The following TCF12 variants were observed in gnomAD, a reference collection of about 807,000 sequenced individuals.
TCF12 encodes the protein transcription factor 12.
A neutral mutation model predicts 86.0 loss-of-function variants in TCF12; 45 were observed. The ratio of observed to expected loss-of-function variants is 0.52; its 90% CI spans 0.41 to 0.67. TCF12 has a LOEUF of 0.67. TCF12 is among the 30% of genes least tolerant of loss of function. TCF12 has a pLI of 0.00. For missense variants in TCF12, 881 were observed against 859.9 expected (o/e 1.02, Z -0.31); for synonymous variants, 330 against 299.6 (o/e 1.10, Z -1.05).
chr15:57,192,049 C>A (rs558456059), intron 6 of TCF12, 109 bp from the exon 7 acceptor site: 233 of 1,281,498 alleles, frequency 1.8e-4, no homozygotes, highest in Middle Eastern at 1.7e-3. Flanking sequence ...TGGGTGCGTT[C>A]TAAGTTAAGA....
At chr15:57,080,721 G>A (rs1464253857) in intron 4 of TCF12, among the ~76,000 whole-genome samples, 1 of 151,966 alleles carries the variant, frequency 6.6e-6, no homozygotes, top group Non-Finnish European at 1.5e-5. Flanking sequence ...TAGGCCATTC[G>A]GATGCCTTTT....
At chr15:57,186,054 T>C (rs1296028981) in intron 6 of TCF12, among the ~76,000 whole-genome samples, 1 of 152,200 alleles carries the variant, frequency 6.6e-6, no homozygotes, top group Admixed American at 6.5e-5. Flanking sequence ...TGTGAATAAT[T>C]GTCTGCTAAA....
rs558666817 is a variant in TCF12 at position 56,943,846 on chromosome 15, G to A, written c.148+22748G>A. ...AATCCATACCCAACATTGTATTAGTGTCACCTGGGGAGCTTTTAAAAAATT... is the reference window on the plus strand; with the variant it reads ...AATCCATACCCAACATTGTATTAGTATCACCTGGGGAGCTTTTAAAAAATT... On this transcript the variant is annotated intron_variant, in intron 3 of 20. Coordinates refer to ENST00000333725, the MANE Select transcript of TCF12 (RefSeq NM_207037.2). Among the ~76,000 whole-genome samples the A allele has an allele frequency of 1.8e-4, 27 of 152,256 alleles. 1 individual carries two copies. In the East Asian group the frequency reaches 4.8e-3, roughly 27 times the overall value.
intron 6 of TCF12, among the ~76,000 whole-genome samples, chr15:57,188,652 A>G (rs2056814165): frequency 6.6e-6 from 1 of 152,230 alleles, no homozygotes; most frequent in African/African-American, 2.4e-5. Flanking sequence ...TCTATGGCCA[A>G]TTGATTTTCA....
chr15:56,955,447 A>T (rs1177469941), intron 3 of TCF12, among the ~76,000 whole-genome samples: 1 of 152,168 alleles, frequency 6.6e-6, no homozygotes, highest in Non-Finnish European at 1.5e-5. Context: ...GAAATACCTA[A>T]TGTAAATGAC....
rs373977906 is a variant in TCF12, at chr15:57,009,354, GTCC to G, written c.149-54390_149-54388del. The stretch of plus-strand genomic sequence containing the variant: ...TCACACTCCTGGGCTCAAGCAGTCT[GTCC>G]TCCTCAGCCTCCCAAAGTGCTGGGA... On this transcript the variant is annotated intron_variant, in intron 3 of 20. Coordinates refer to ENST00000333725, the MANE Select transcript of TCF12 (RefSeq NM_207037.2). Among the ~76,000 whole-genome samples the G allele has an allele frequency of 8.0e-3, 1,210 of 152,134 alleles. 9 individuals are homozygous for G. Among genetic ancestry groups the G allele is most frequent in the Non-Finnish European group, 0.014 (920 of 67,988 alleles).
intron 8 of TCF12, among the ~76,000 whole-genome samples, chr15:57,224,913 C>G (rs2058795668): frequency 6.6e-6 from 1 of 152,008 alleles, no homozygotes; most frequent in Non-Finnish European, 1.5e-5. Context: ...ATATTTTCCC[C>G]CTCAGGCTTG....
chr15:57,139,657 CAA>C (rs879939761), intron 5 of TCF12, among the ~76,000 whole-genome samples: 1 of 142,580 alleles, frequency 7.0e-6, no homozygotes. Context: ...TTCTTTAAAC[CAA>C]AAAAAAAAAG....
intron 3 of TCF12, among the ~76,000 whole-genome samples, chr15:57,053,039 A>G (rs1177219665): frequency 6.6e-6 from 1 of 152,140 alleles, no homozygotes; most frequent in African/African-American, 2.4e-5. Flanking sequence ...CCTCCATACC[A>G]TCTTCTTAAT....
chr15:56,972,957 C>T (rs1203649633), intron 3 of TCF12, among the ~76,000 whole-genome samples: 3 of 152,026 alleles, frequency 2.0e-5, no homozygotes. Flanking sequence ...TTAGGCTTTC[C>T]GTTTTCCTGG....
At chr15:57,158,182 T>C (rs1381648956) in intron 5 of TCF12, among the ~76,000 whole-genome samples, 1 of 126,814 alleles carries the variant, frequency 7.9e-6, no homozygotes, top group African/African-American at 2.6e-5. Context: ...TCTCAGAAAG[T>C]CGTTTCTTTT....
In TCF12 at chr15:57,263,293, G is replaced by A. The variant is rs774899154; in HGVS notation, c.1745+19G>A. 1.5e-4 allele frequency: 240 copies of A among 1,588,688 alleles called. No homozygotes were observed. Among genetic ancestry groups the A allele is most frequent in the Non-Finnish European group, 2.0e-4 (231 of 1,174,462 alleles). The stretch of plus-strand genomic sequence containing the variant: ...GAACAAGGTATTTGTTAGCATCCAG[G>A]TTTTAAATTTTATTCATTTTCCATA... On this transcript the variant is annotated intron_variant, in intron 18 of 20. Coordinates refer to ENST00000333725, the MANE Select transcript of TCF12 (RefSeq NM_207037.2).
At chr15:57,247,545 A>G (rs1334446516) in intron 13 of TCF12, 2 of 929,226 alleles carry the variant, frequency 2.2e-6, no homozygotes, top group Admixed American at 1.7e-5. Flanking sequence ...ATAAAAGCAA[A>G]TCCTGTCTTT....
rs150505167 is a variant in TCF12, at chr15:57,089,930, A to G, written c.223-1859A>G. Reference sequence around the variant, plus strand: ...ATTTTAAGTAGTAAAAGCAAATTCTATGGGCCAGGCATGGTGGCTCAGGCC... The same window carrying G: ...ATTTTAAGTAGTAAAAGCAAATTCTGTGGGCCAGGCATGGTGGCTCAGGCC... On this transcript the variant is annotated intron_variant, in intron 4 of 20. Transcript: ENST00000333725. Among the ~76,000 whole-genome samples the G allele has an allele frequency of 2.0e-4, 30 of 152,266 alleles. No individual in the cohort carries two copies. The East Asian group carries it at 5.4e-3, about 27-fold the overall frequency.
chr15:57,177,559 C>A (rs1230546509), intron 6 of TCF12, among the ~76,000 whole-genome samples: 1 of 145,886 alleles, frequency 6.9e-6, no homozygotes, highest in Non-Finnish European at 1.5e-5. Context: ...GCGTGAGCCA[C>A]TGTGCCCAGT....
chr15:56,954,737 C>T (rs976417373), intron 3 of TCF12, among the ~76,000 whole-genome samples: 11 of 152,254 alleles, frequency 7.2e-5, no homozygotes, highest in Admixed American at 5.2e-4. Context: ...TTAAAAACAA[C>T]CCCATCAAAA....
intron 3 of TCF12, among the ~76,000 whole-genome samples, chr15:56,986,454 A>G (rs571952972): frequency 3.3e-5 from 5 of 152,270 alleles, no homozygotes; most frequent in South Asian, 4.1e-4. Flanking sequence ...AGTAGTTTCC[A>G]TTTTGGTATT....
chr15:57,070,644 C>G (rs1292440843), intron 4 of TCF12, among the ~76,000 whole-genome samples: 1 of 152,174 alleles, frequency 6.6e-6, no homozygotes. Context: ...GTTTAGCGCT[C>G]TCTCCATTCT....
chr15:57,270,535 A>C lies in TCF12; in HGVS notation c.1746-2495A>C, dbSNP rs536942649. 2.6e-5 allele frequency among the ~76,000 whole-genome samples: 4 copies of C among 152,142 alleles called. No individual in the cohort carries two copies. In the East Asian group the frequency reaches 7.7e-4, roughly 29 times the overall value. On this transcript the variant is annotated intron_variant, in intron 18 of 20. Transcript: ENST00000333725. ...CTTTAGCTTGGAGAACAGCTTTCTT[A>C]TTACCGACCTCCTGAAGCCTACTTC...
Sources: gnomAD v4.1 joint callset for allele counts (sites outside exome capture counted in the v4.1 genomes callset) on GRCh38, gnomAD v4.1.1 for gene constraint, MANE v1.5 for transcripts, NCBI Gene and HGNC (gene_info 2026-07-23, HGNC 2026-07-21) for gene names.